The following CFAP53 variants were observed in gnomAD, a reference collection of about 807,000 sequenced individuals.
CFAP53 encodes cilia- and flagella-associated protein 53.
A neutral mutation model predicts 59.7 loss-of-function variants in CFAP53; 62 were observed. The ratio of observed to expected loss-of-function variants is 1.04; its 90% confidence interval spans 0.85 to 1.28. CFAP53 has a LOEUF of 1.28. Ranked by LOEUF, CFAP53 falls within the 50% of genes most tolerant of loss-of-function variation. The probability of loss-of-function intolerance (pLI) is 0.00; values close to 1 mark genes in which losing one functional copy is unlikely to be tolerated. For missense variants in CFAP53, 629 were observed against 615.6 expected (o/e 1.02, Z -0.23); for synonymous variants, 218 against 205.7 (o/e 1.06, Z -0.51).
At position 50,261,082 on chromosome 18, in the gene CFAP53, T is replaced by C. The variant is rs892455881; in HGVS notation, c.455A>G (p.Lys152Arg). The change falls in exon 3 of 8, where the codon AAG (lysine) becomes AGG (arginine). Residue 152 changes from lysine to arginine, a missense_variant. Lys to Arg is a conservative substitution (Grantham distance 26). Transcript: ENST00000398545. Reference sequence around the variant, plus strand: ...TCATTACCTGAATTGCTGGTCTAGCTTTTCAGCCACAAAATCCTGCCTCTC... The same window carrying C: ...TCATTACCTGAATTGCTGGTCTAGCCTTTCAGCCACAAAATCCTGCCTCTC... ...EKERQDFVAE[K>R]LDQQFRERCE... 1.8e-5 allele frequency: 29 copies of C among 1,598,602 alleles called. No homozygotes were observed. The highest frequency in any genetic ancestry group is 2.5e-5 in the Non-Finnish European group (29 of 1,176,452).
At chr18:50,235,945 T>TG (rs2033628936) in intron 7 of CFAP53, among the ~76,000 whole-genome samples, 1 of 152,176 alleles carries the variant, frequency 6.6e-6, no homozygotes, top group Non-Finnish European at 1.5e-5. Flanking sequence ...GTTGCTCTGT[T>TG]GGGGGAAATG....
intron 3 of CFAP53, among the ~76,000 whole-genome samples, chr18:50,255,570 T>C (rs546608397): frequency 3.5e-5 from 3 of 85,844 alleles, no homozygotes; most frequent in African/African-American, 1.0e-4. Flanking sequence ...AATTAAAAAT[T>C]AAATACAAAA....
At position 50,236,671 on chromosome 18, in the gene CFAP53, C is replaced by A. The variant is rs548581053; in HGVS notation, c.1316+1932G>T. Among the ~76,000 whole-genome samples the A allele has an allele frequency of 2.0e-5, 3 of 152,214 alleles. No homozygotes were observed. In the South Asian group the frequency reaches 6.3e-4, roughly 32 times the overall value. ...AAACTCCTAGTTGATAACTGAGATCCCTGACTACAGTCAGCATACACTGCC... is the reference window on the plus strand; with the variant it reads ...AAACTCCTAGTTGATAACTGAGATCACTGACTACAGTCAGCATACACTGCC... On this transcript the variant is annotated intron_variant, in intron 7 of 7. Coordinates refer to ENST00000398545, the MANE Select transcript of CFAP53 (RefSeq NM_145020.5).
chr18:50,254,025 A>G (rs926532999), intron 3 of CFAP53, among the ~76,000 whole-genome samples: 3 of 152,174 alleles, frequency 2.0e-5, no homozygotes, highest in African/African-American at 7.2e-5. Context: ...AGAAATATTG[A>G]CAAATTTGAT....
intron 5 of CFAP53, among the ~76,000 whole-genome samples, chr18:50,248,519 C>G (rs2033767316): frequency 6.6e-6 from 1 of 152,132 alleles, no homozygotes. Flanking sequence ...TGTGGTGGCT[C>G]ATGCCTGTAA....
intron 1 of CFAP53, among the ~76,000 whole-genome samples, chr18:50,263,864 G>A (rs140990628): frequency 4.0e-4 from 61 of 152,302 alleles, no homozygotes; most frequent in South Asian, 2.3e-3. Flanking sequence ...AGCCTTTTAA[G>A]GCTTGGGAAT....
chr18:50,247,826 T>A (rs1248380646), intron 5 of CFAP53, among the ~76,000 whole-genome samples: 1 of 152,176 alleles, frequency 6.6e-6, no homozygotes, highest in Non-Finnish European at 1.5e-5. Flanking sequence ...GAAGAAGGGA[T>A]AGCAGGATAG....
At chr18:50,241,914 T>G (rs1599118919) in intron 6 of CFAP53, among the ~76,000 whole-genome samples, 2 of 152,158 alleles carry the variant, frequency 1.3e-5, no homozygotes. Flanking sequence ...CCAATCCTAG[T>G]AAGCCTGAGG....
At chr18:50,234,325 T>C (rs2033609909) in intron 7 of CFAP53, among the ~76,000 whole-genome samples, 1 of 152,228 alleles carries the variant, frequency 6.6e-6, no homozygotes, top group Non-Finnish European at 1.5e-5. Context: ...TCAACCTCAC[T>C]AATACATCTA....
At chr18:50,261,007 A>G (rs902018835) in intron 3 of CFAP53, 57 bp downstream of exon 3, 4 of 1,531,820 alleles carry the variant, frequency 2.6e-6, no homozygotes, top group Non-Finnish European at 3.5e-6. Flanking sequence ...AGCATTCTTA[A>G]ATCTATTTTA....
At chr18:50,235,507 G>T (rs1236527680) in intron 7 of CFAP53, among the ~76,000 whole-genome samples, 1 of 152,188 alleles carries the variant, frequency 6.6e-6, no homozygotes, top group East Asian at 1.9e-4. Context: ...GGCAGAGGTT[G>T]CAGTGAGCTG....
At chr18:50,252,407 C>T in intron 3 of CFAP53, among the ~76,000 whole-genome samples, 1 of 151,672 alleles carries the variant, frequency 6.6e-6, no homozygotes, top group Non-Finnish European at 1.5e-5. Flanking sequence ...CCCAGCTGCT[C>T]ACTTTTTTTT....
At chr18:50,233,098 T>C (rs2033597959) in intron 7 of CFAP53, among the ~76,000 whole-genome samples, 2 of 152,192 alleles carry the variant, frequency 1.3e-5, no homozygotes, top group Non-Finnish European at 2.9e-5. Flanking sequence ...TATAGCTCTC[T>C]ATCTTCCTTT....
chr18:50,261,724 A>G (rs894693816), intron 2 of CFAP53, among the ~76,000 whole-genome samples: 8 of 152,232 alleles, frequency 5.3e-5, no homozygotes, highest in African/African-American at 1.9e-4. Context: ...TCACATACAA[A>G]TAAGATACGA....
At chr18:50,244,513 T>A (rs999153176) in intron 5 of CFAP53, among the ~76,000 whole-genome samples, 2 of 152,264 alleles carry the variant, frequency 1.3e-5, no homozygotes, top group South Asian at 4.1e-4. Flanking sequence ...TATAGCAGTG[T>A]GAAAACAGAT....
chr18:50,250,972 C>T lies in CFAP53; in HGVS notation c.782G>A (p.Ser261Asn), dbSNP rs2033793523. ...LKEEEARLVE[S>N]NNAQIKHENE... ...CTCATGTTTAATCTGTGCGTTGTTA[C>T]TTTCCTAAGGTAGAATCATAATAAA... The change falls in exon 5 of 8, where the codon AGT becomes AAT. Residue 261 changes from serine to asparagine, a missense_variant. Transcript: ENST00000398545. 1 of 1,613,394 alleles carries T rather than the reference C, an allele frequency of 6.2e-7. No homozygotes were observed. The highest frequency in any genetic ancestry group is 1.3e-5 in the African/African-American group (1 of 75,010).
chr18:50,227,250 A>G lies in CFAP53; in HGVS notation c.*131T>C. 1.4e-6 allele frequency: 1 copy of G among 703,944 alleles called. No individual in the cohort carries two copies. 43.6% of individuals were successfully genotyped at this position (703,944 alleles called of 1,614,324 possible). ...GGCACAGGTTTATTCAAAGGAAGAA[A>G]ATTATGTTCAATTAATTACACAAAC... On this transcript the variant is annotated 3_prime_UTR_variant, in exon 8 of 8. Transcript: ENST00000398545.
At chr18:50,244,100 A>T (rs1342719283) in intron 5 of CFAP53, among the ~76,000 whole-genome samples, 1 of 152,190 alleles carries the variant, frequency 6.6e-6, no homozygotes, top group African/African-American at 2.4e-5. Context: ...AGGCATTTTT[A>T]GTTGGCTACT....
intron 3 of CFAP53, among the ~76,000 whole-genome samples, chr18:50,255,509 A>C (rs1039319496): frequency 7.3e-5 from 11 of 151,716 alleles, no homozygotes; most frequent in African/African-American, 2.7e-4. Flanking sequence ...TGAAGGGTAA[A>C]TGGGATCTCT....
Sources: allele counts gnomAD v4.1 joint callset (sites outside exome capture counted in the v4.1 genomes callset), GRCh38; gene constraint gnomAD v4.1.1; transcripts MANE v1.5; gene names NCBI Gene and HGNC (gene_info 2026-07-23, HGNC 2026-07-21).